VEZT: variants seen among roughly 807,000 people sequenced by gnomAD.
VEZT encodes the protein vezatin, adherens junctions transmembrane protein.
A neutral mutation model predicts 79.9 loss-of-function variants in VEZT; 39 were observed. That is an observed-to-expected ratio of 0.49 (90% confidence interval 0.38 to 0.64). The LOEUF is 0.64. Ranked by LOEUF, VEZT falls within the 30% of genes least tolerant of loss-of-function variation. The pLI is 0.00. For synonymous variants in VEZT, 325 were observed against 327.6 expected, an observed-to-expected ratio of 0.99 and a Z score of 0.09; for missense variants, 837 against 893.1, an observed-to-expected ratio of 0.94 and a Z score of 0.80.
intron 1 of VEZT, among the ~76,000 whole-genome samples, chr12:95,220,995 C>G (rs1390322607): frequency 1.3e-5 from 2 of 152,172 alleles, no homozygotes; most frequent in East Asian, 1.9e-4. Flanking sequence ...CCTCATCAAC[C>G]CTTGCTAATT....
intron 5 of VEZT, among the ~76,000 whole-genome samples, chr12:95,269,073 T>C (rs2066102378): frequency 6.6e-6 from 1 of 152,248 alleles, no homozygotes; most frequent in Non-Finnish European, 1.5e-5. Context: ...CATTTTAGTA[T>C]GGTTTAACAT....
At chr12:95,275,550 C>T (rs1205080338) in intron 7 of VEZT, among the ~76,000 whole-genome samples, 3 of 150,864 alleles carry the variant, frequency 2.0e-5, no homozygotes, top group Non-Finnish European at 2.9e-5. Flanking sequence ...GCACTCCAGC[C>T]TGGGTGACAA....
At chr12:95,297,755 T>A (rs1459549078) in intron 11 of VEZT, among the ~76,000 whole-genome samples, 1 of 152,224 alleles carries the variant, frequency 6.6e-6, no homozygotes, top group African/African-American at 2.4e-5. Flanking sequence ...CTACTGTTTT[T>A]ACTATAGATA....
At position 95,287,646 on chromosome 12, in the gene VEZT, T is replaced by C; in HGVS notation, c.1329-18T>C. The C allele has an allele frequency of 1.3e-6, 2 of 1,489,494 alleles. No homozygotes were observed. The highest frequency in any genetic ancestry group is 1.8e-6 in the Non-Finnish European group (2 of 1,116,876). 92.3% of individuals were successfully genotyped at this position (1,489,494 alleles called of 1,614,324 possible). A position where few individuals can be genotyped will look rare whatever the true frequency, so the allele number is the denominator to read the frequency against. On this transcript the variant is annotated intron_variant, in intron 8 of 11. Transcript: ENST00000436874. ...TTCATATTATAGAAATCTGTTTCTGTTTTTCTTTATGACTCAGGGTAATAA... is the reference window on the plus strand; with the variant it reads ...TTCATATTATAGAAATCTGTTTCTGCTTTTCTTTATGACTCAGGGTAATAA...
At chr12:95,274,156 A>G (rs1566210093) in intron 6 of VEZT, among the ~76,000 whole-genome samples, 1 of 152,210 alleles carries the variant, frequency 6.6e-6, no homozygotes, top group Non-Finnish European at 1.5e-5. Context: ...CAATACAGCT[A>G]CAAATGGTAG....
At chr12:95,280,533 A>ACC (rs1361617039) in intron 7 of VEZT, among the ~76,000 whole-genome samples, 1 of 148,444 alleles carries the variant, frequency 6.7e-6, no homozygotes, top group Non-Finnish European at 1.5e-5. Context: ...GTACACACAC[A>ACC]CACACACACA....
At chr12:95,281,669 C>T (rs924586708) in intron 7 of VEZT, among the ~76,000 whole-genome samples, 5 of 151,684 alleles carry the variant, frequency 3.3e-5, no homozygotes, top group East Asian at 1.9e-4. Context: ...CCTCGGCCTC[C>T]GAAGTAGCTG....
chr12:95,251,709 G>A (rs1174454876), intron 1 of VEZT, among the ~76,000 whole-genome samples: 2 of 151,982 alleles, frequency 1.3e-5, no homozygotes, highest in African/African-American at 4.8e-5. Context: ...AAAAAAATCT[G>A]TGTGTTTTAT....
intron 1 of VEZT, among the ~76,000 whole-genome samples, chr12:95,228,991 G>A (rs2058870863): frequency 6.6e-6 from 1 of 152,152 alleles, no homozygotes; most frequent in South Asian, 2.1e-4. Context: ...ATTGAAATAA[G>A]ACCCTTTCTC....
intron 3 of VEZT, among the ~76,000 whole-genome samples, chr12:95,261,966 C>T (rs986939990): frequency 6.6e-6 from 1 of 152,248 alleles, no homozygotes; most frequent in African/African-American, 2.4e-5. Flanking sequence ...ACCATGTGCA[C>T]TCTGTGCACA....
intron 1 of VEZT, 101 bp downstream of exon 1, chr12:95,217,987 G>A (rs2056939730): frequency 7.9e-7 from 1 of 1,268,390 alleles, no homozygotes; most frequent in Non-Finnish European, 1.1e-6. Flanking sequence ...ATCGGGTGAC[G>A]CGCTCCAGCT....
At chr12:95,258,418 A>G in intron 3 of VEZT, 1 of 312,726 alleles carries the variant, frequency 3.2e-6, no homozygotes, top group Admixed American at 3.4e-5. Flanking sequence ...CAGCTTCTGT[A>G]TGCATCCCTT....
chr12:95,224,141 T>A (rs1458809755), intron 1 of VEZT: 3 of 455,974 alleles, frequency 6.6e-6, no homozygotes, highest in Non-Finnish European at 1.3e-5. Flanking sequence ...CATTATGGAC[T>A]GCATCACTGC....
At position 95,265,985 on chromosome 12, in the gene VEZT, C is replaced by T. The variant is rs77697899; in HGVS notation, c.435-372C>T. Among the ~76,000 whole-genome samples, 832 of 152,260 alleles carry T rather than the reference C, an allele frequency of 5.5e-3. 37 individuals carry two copies. In the East Asian group the frequency reaches 0.13, roughly 25 times the overall value. On this transcript the variant is annotated intron_variant, in intron 4 of 11. Coordinates refer to ENST00000436874, the MANE Select transcript of VEZT (RefSeq NM_017599.4). ...AGGCGATGGGTGGTATTTCTAGCTCCAGATTCTGTATATGTAGGAAATGTA... is the reference window on the plus strand; with the variant it reads ...AGGCGATGGGTGGTATTTCTAGCTCTAGATTCTGTATATGTAGGAAATGTA...
intron 1 of VEZT, among the ~76,000 whole-genome samples, chr12:95,247,022 AAT>A (rs1326209665): frequency 6.6e-6 from 1 of 152,148 alleles, no homozygotes; most frequent in Non-Finnish European, 1.5e-5. Context: ...AAACCTCTAA[AAT>A]ATAGTGGTCA....
intron 3 of VEZT, 133 bp downstream of exon 3, chr12:95,257,372 A>T (rs907590986): frequency 1.4e-6 from 1 of 701,242 alleles, no homozygotes; most frequent in Admixed American, 2.9e-5. Flanking sequence ...GTAACTCAGG[A>T]TCTTTTAATT....
intron 1 of VEZT, among the ~76,000 whole-genome samples, chr12:95,231,996 T>C (rs2059340629): frequency 6.6e-6 from 1 of 152,150 alleles, no homozygotes; most frequent in Non-Finnish European, 1.5e-5. Context: ...TTAATAGTCT[T>C]ACTCATCACT....
intron 9 of VEZT, chr12:95,293,944 A>G (rs906933778): frequency 9.2e-6 from 2 of 217,456 alleles, no homozygotes; most frequent in Admixed American, 5.3e-5. Flanking sequence ...GCTGGAGTGC[A>G]GTGGTGTGAT....
chr12:95,268,955 C>CT (rs2066079670), intron 5 of VEZT, among the ~76,000 whole-genome samples: 1 of 152,102 alleles, frequency 6.6e-6, no homozygotes, highest in African/African-American at 2.4e-5. Flanking sequence ...TAATTGAAAC[C>CT]TTTTTTGCCT....
Sources: allele counts gnomAD v4.1 joint callset (sites outside exome capture counted in the v4.1 genomes callset), GRCh38; gene constraint gnomAD v4.1.1; transcripts MANE v1.5; gene names NCBI Gene and HGNC (gene_info 2026-07-23, HGNC 2026-07-21).